Variants in GCNT4 observed in about 807,000 individuals in gnomAD.
The protein encoded by GCNT4 is glucosaminyl (N-acetyl) transferase 4.
A neutral mutation model predicts 31.3 loss-of-function variants in GCNT4; 17 were observed. That is an observed-to-expected ratio of 0.54 (90% CI 0.37 to 0.81). The LOEUF (loss-of-function observed/expected upper bound fraction) is 0.81, where lower values mean the gene tolerates loss of function less well. GCNT4 is among the 40% of genes least tolerant of loss of function. GCNT4 has a pLI of 0.00. For missense variants in GCNT4, 503 were observed against 525.5 expected, an observed-to-expected ratio of 0.96 and a Z score of 0.42; for synonymous variants, 158 against 190.6, an observed-to-expected ratio of 0.83 and a Z score of 1.41.
chr5:75,033,358 C>T (rs1279984918), intron 3 of GCNT4, among the ~76,000 whole-genome samples: 1 of 152,156 alleles, frequency 6.6e-6, no homozygotes, highest in East Asian at 1.9e-4. Flanking sequence ...ACAGGACATC[C>T]AGGGAAGGAA....
Position 75,028,493 on chromosome 5 carries a change from A to C in GCNT4, c.*183T>G, listed in dbSNP as rs757776206. On this transcript the variant is annotated 3_prime_UTR_variant, in exon 4 of 4. Coordinates refer to ENST00000652361, the MANE Select transcript of GCNT4 (RefSeq NM_001366737.1). ...TACAAGCAAAAACAAATATTAAAAA[A>C]ACCTAGCCAACTGCAGGCTAATAAC... 1 of 577,342 alleles carries C rather than the reference A, an allele frequency of 1.7e-6. No homozygotes were observed. Among genetic ancestry groups the C allele is most frequent in the Non-Finnish European group, 2.9e-6 (1 of 341,702 alleles). 35.8% of individuals were successfully genotyped at this position (577,342 alleles called of 1,614,324 possible).
intron 3 of GCNT4, among the ~76,000 whole-genome samples, chr5:75,040,150 A>T (rs1743287641): frequency 6.6e-6 from 1 of 151,894 alleles, no homozygotes; most frequent in African/African-American, 2.4e-5. Context: ...CTCCAGGAAA[A>T]GAAATAGCTT....
the GCNT4 span, among the ~76,000 whole-genome samples, chr5:75,019,879 T>C: frequency 4.6e-4 from 70 of 152,346 alleles, no homozygotes; most frequent in South Asian, 8.3e-4. Flanking sequence ...TTCACTAAAT[T>C]AATGTGTAGA....
At chr5:75,019,175 T>C in the GCNT4 span, among the ~76,000 whole-genome samples, 1 of 152,124 alleles carries the variant, frequency 6.6e-6, no homozygotes, top group Non-Finnish European at 1.5e-5. Context: ...ATAAATGGGA[T>C]TAGTGCCCTT....
At position 75,048,985 on chromosome 5, in the gene GCNT4, C is replaced by T. The variant is rs375290792; in HGVS notation, c.-142-948G>A. ...TGATGTAACTGGTCCTGAGGCCACACTTTGAGAACCGCTGCTCTAAGTAAC... is the reference window on the plus strand; with the variant it reads ...TGATGTAACTGGTCCTGAGGCCACATTTTGAGAACCGCTGCTCTAAGTAAC... On this transcript the variant is annotated intron_variant, in intron 2 of 3. Coordinates refer to ENST00000652361, the MANE Select transcript of GCNT4 (RefSeq NM_001366737.1). Among the ~76,000 whole-genome samples the T allele has an allele frequency of 5.3e-5, 8 of 152,316 alleles. No individual in the cohort carries two copies. The South Asian group carries it at 1.7e-3, about 32-fold the overall frequency.
chr5:75,026,203 TAGAATCATTTCTCACC>T lies in GCNT4; in HGVS notation c.*2457_*2472del, dbSNP rs1463775485. 15 of 152,198 alleles carry T rather than the reference TAGAATCATTTCTCACC, an allele frequency of 9.9e-5. No individual in the cohort carries two copies. The South Asian group carries it at 1.5e-3, about 15-fold the overall frequency. 9.4% of individuals were successfully genotyped at this position (152,198 alleles called of 1,614,324 possible). ...TGGAAATTTCCCAATAAACAGGGGATAGAATCATTTCTCACCAGGAGGCAAGACAGTGGATCAGGAG... is the reference window on the plus strand; with the variant it reads ...TGGAAATTTCCCAATAAACAGGGGATAGGAGGCAAGACAGTGGATCAGGAG... On this transcript the variant is annotated 3_prime_UTR_variant, in exon 4 of 4. Coordinates refer to ENST00000652361, the MANE Select transcript of GCNT4 (RefSeq NM_001366737.1).
intron 3 of GCNT4, among the ~76,000 whole-genome samples, chr5:75,033,194 C>T (rs948818344): frequency 2.6e-5 from 4 of 152,216 alleles, no homozygotes; most frequent in African/African-American, 9.6e-5. Context: ...GGCCAGCTCC[C>T]TGCCTTGTCA....
chr5:75,048,732 C>T (rs76829599), intron 2 of GCNT4, among the ~76,000 whole-genome samples: 9,066 of 152,210 alleles, frequency 0.06, 297 homozygotes, highest in Middle Eastern at 0.12. Context: ...CTGCTCTGTA[C>T]TGAGCAGACA....
At chr5:75,041,835 T>C (rs773611352) in intron 3 of GCNT4, among the ~76,000 whole-genome samples, 1 of 152,186 alleles carries the variant, frequency 6.6e-6, no homozygotes, top group Non-Finnish European at 1.5e-5. Context: ...TGGGCAAAGA[T>C]ACATGGCTAA....
chr5:75,034,626 C>T (rs1319840335), intron 3 of GCNT4, among the ~76,000 whole-genome samples: 8 of 152,200 alleles, frequency 5.3e-5, no homozygotes, highest in Admixed American at 2.0e-4. Context: ...TCCCCTTCTA[C>T]CTGCCCGGGT....
At chr5:75,042,863 C>T (rs921663640) in intron 3 of GCNT4, among the ~76,000 whole-genome samples, 1 of 152,136 alleles carries the variant, frequency 6.6e-6, no homozygotes, top group Non-Finnish European at 1.5e-5. Flanking sequence ...ATATTGCTCT[C>T]AGATCTTGTG....
chr5:75,038,579 C>T (rs565779982), intron 3 of GCNT4, among the ~76,000 whole-genome samples: 17 of 152,272 alleles, frequency 1.1e-4, no homozygotes, highest in East Asian at 1.9e-4. Flanking sequence ...GATTTGGTGT[C>T]GGTGAGGGCT....
At chr5:75,032,793 A>G (rs1743093498) in intron 3 of GCNT4, among the ~76,000 whole-genome samples, 1 of 151,652 alleles carries the variant, frequency 6.6e-6, no homozygotes, top group Admixed American at 6.6e-5. Flanking sequence ...AAGGCAACTC[A>G]CTGCAACTCC....
chr5:75,033,923 G>T (rs1041261714), intron 3 of GCNT4, among the ~76,000 whole-genome samples: 1 of 152,068 alleles, frequency 6.6e-6, no homozygotes, highest in African/African-American at 2.4e-5. Flanking sequence ...ACTTATGAGT[G>T]AGAACATGAG....
chr5:75,027,838 GGTGT>G lies in GCNT4; in HGVS notation c.*834_*837del, dbSNP rs58337162. On this transcript the variant is annotated 3_prime_UTR_variant, in exon 4 of 4. Transcript: ENST00000652361. The stretch of plus-strand genomic sequence containing the variant: ...ATTGAGGACTTAGGCTTAATGTTCT[GGTGT>G]GTGACACTTGGAGCTATTGGTCAGT... The G allele has an allele frequency of 0.18, 28,039 of 152,062 alleles. 3,688 individuals are homozygous for G. The highest frequency in any genetic ancestry group is 0.37 in the African/African-American group (15,251 of 41,138). 9.4% of individuals were successfully genotyped at this position (152,062 alleles called of 1,614,324 possible). A position where few individuals can be genotyped will look rare whatever the true frequency, so the allele number is the denominator to read the frequency against.
At chr5:75,024,950 CAAAAAAAAAAAA>C (rs1239662355), downstream of GCNT4, among the ~76,000 whole-genome samples, 2 of 40,532 alleles carry the variant, frequency 4.9e-5, no homozygotes, top group Non-Finnish European at 9.8e-5. Flanking sequence ...GACTCCATCT[CAAAAAAAAAAAA>C]AAAAAAAAAA....
intron 3 of GCNT4, among the ~76,000 whole-genome samples, chr5:75,037,495 G>A (rs1227919009): frequency 2.0e-5 from 3 of 152,196 alleles, no homozygotes; most frequent in African/African-American, 7.2e-5. Flanking sequence ...AATACAAATT[G>A]AGGACAAGCA....
At chr5:75,032,872 G>GGTGGGTGTGT (rs55942109) in intron 3 of GCNT4, among the ~76,000 whole-genome samples, 4,690 of 130,680 alleles carry the variant, frequency 0.036, 148 homozygotes, top group Non-Finnish European at 0.049. Flanking sequence ...CCCAAATAGG[G>GGTGGGTGTGT]GTGTGTGTGT....
intron 1 of GCNT4, 75 bp from the exon 2 acceptor site, chr5:75,052,302 A>C (rs964035312): frequency 2.0e-5 from 3 of 152,064 alleles, no homozygotes; most frequent in African/African-American, 7.2e-5. Flanking sequence ...CCCAAGGCCA[A>C]TATCGCCTCT....
Sources: gnomAD v4.1 joint callset for allele counts (sites outside exome capture counted in the v4.1 genomes callset) on GRCh38, gnomAD v4.1.1 for gene constraint, MANE v1.5 for transcripts, NCBI Gene and HGNC (gene_info 2026-07-23, HGNC 2026-07-21) for gene names.